SHF: variants seen among roughly 807,000 people sequenced by gnomAD.
The protein encoded by SHF is Src homology 2 domain containing F, also known as SH2 domain-containing adapter protein F.
A neutral mutation model predicts 42.4 loss-of-function variants in SHF; 30 were observed. That is an observed-to-expected ratio of 0.71 (90% CI 0.53 to 0.96). The LOEUF (loss-of-function observed/expected upper bound fraction) is 0.96. Ranked by LOEUF, SHF falls within the 40% of genes least tolerant of loss-of-function variation. The pLI, the probability that SHF is intolerant of heterozygous loss-of-function variation, is 0.00. For missense variants in SHF, 598 were observed against 634.0 expected, an observed-to-expected ratio of 0.94 and a Z score of 0.61; for synonymous variants, 264 against 269.9, an observed-to-expected ratio of 0.98 and a Z score of 0.21.
At chr15:45,183,819 G>A (rs1567037354) in intron 1 of SHF, among the ~76,000 whole-genome samples, 1 of 152,250 alleles carries the variant, frequency 6.6e-6, no homozygotes, top group Non-Finnish European at 1.5e-5. Context: ...ACTGGGTAGA[G>A]TGGACAGGCC....
chr15:45,181,889 G>A lies in SHF; in HGVS notation c.499-3583C>T, dbSNP rs557847024. Among the ~76,000 whole-genome samples the A allele has an allele frequency of 3.9e-5, 6 of 152,270 alleles. No individual in the cohort carries two copies. The South Asian group carries it at 1.2e-3, about 32-fold the overall frequency. ...AAAATAAAACCACGGCTGGTATTTA[G>A]GCACATTCTCTGATATAGCCAGAAT... On this transcript the variant is annotated intron_variant, in intron 1 of 6. Transcript: ENST00000690270.
intron 1 of SHF, among the ~76,000 whole-genome samples, chr15:45,185,055 A>G (rs1898317801): frequency 6.6e-6 from 1 of 152,158 alleles, no homozygotes; most frequent in Non-Finnish European, 1.5e-5. Flanking sequence ...TTTCTGCTCA[A>G]TCCCTCTGGC....
At position 45,167,701 on chromosome 15, in the gene SHF, ACC is replaced by A. The variant is rs1567025802; in HGVS notation, c.*244_*245del. 3 of 344,726 alleles carry A rather than the reference ACC, an allele frequency of 8.7e-6. No homozygotes were observed. The highest frequency in any genetic ancestry group is 1.6e-5 in the Non-Finnish European group (3 of 193,502). 21.4% of individuals were successfully genotyped at this position (344,726 alleles called of 1,614,324 possible). A position where few individuals can be genotyped will look rare whatever the true frequency, so the allele number is the denominator to read the frequency against. ...TCCCTACCATCCCAGTAGCTCTGGA[ACC>A]CCCTTCCTCCAGGGGCTATCCTTTC... On this transcript the variant is annotated 3_prime_UTR_variant, in exon 7 of 7. Transcript: ENST00000690270.
At chr15:45,199,189 C>T in intron 1 of SHF, 1 of 1,205,494 alleles carries the variant, frequency 8.3e-7, no homozygotes, top group Non-Finnish European at 1.1e-6. Context: ...CACCCACTTC[C>T]TTCCAGCCTC....
intron 1 of SHF, among the ~76,000 whole-genome samples, chr15:45,185,245 G>A (rs1898327942): frequency 6.6e-6 from 1 of 152,246 alleles, no homozygotes; most frequent in Admixed American, 6.5e-5. Flanking sequence ...CAAGCCAGAA[G>A]GCCTGAGAGA....
intron 1 of SHF, among the ~76,000 whole-genome samples, chr15:45,184,771 G>A (rs1262160396): frequency 6.6e-6 from 1 of 152,256 alleles, no homozygotes; most frequent in Non-Finnish European, 1.5e-5. Flanking sequence ...TGGCCTGGGG[G>A]CCAGACGAGG....
chr15:45,200,328 AT>A, intron 1 of SHF: 1 of 168,364 alleles, frequency 5.9e-6, no homozygotes, highest in Non-Finnish European at 1.3e-5. Context: ...ATCGGGGTCC[AT>A]TTTCCACAAT....
chr15:45,196,599 A>G (rs73425680), intron 2 of SHF, among the ~76,000 whole-genome samples: 4,490 of 151,976 alleles, frequency 0.03, 215 homozygotes, highest in African/African-American at 0.099. Context: ...CCTCCTTACT[A>G]TAGAGTTAAG....
chr15:45,187,618 C>A lies in SHF; in HGVS notation c.334G>T (p.Gly112Trp). ...ERDFEDPYSG[G>W]SSGSAALATP... Reference sequence around the variant, plus strand: ...GCGAGGGCGGCGGAGCCGGACGACCCCCCGGAGTAGGGGTCTTCGAAGTCG... The same window carrying A: ...GCGAGGGCGGCGGAGCCGGACGACCACCCGGAGTAGGGGTCTTCGAAGTCG... Residue 112 changes from glycine to tryptophan, a missense_variant, in exon 1 of 7, where the codon GGG (glycine) becomes TGG (tryptophan). Coordinates refer to ENST00000690270, the MANE Select transcript of SHF (RefSeq NM_001394037.1). The A allele has an allele frequency of 1.6e-6, 2 of 1,230,154 alleles. No homozygotes were observed. Among genetic ancestry groups the A allele is most frequent in the Non-Finnish European group, 2.0e-6 (2 of 986,986 alleles). 76.2% of individuals were successfully genotyped at this position (1,230,154 alleles called of 1,614,324 possible).
At chr15:45,179,758 G>C (rs915088596) in intron 1 of SHF, among the ~76,000 whole-genome samples, 4 of 152,196 alleles carry the variant, frequency 2.6e-5, no homozygotes, top group Non-Finnish European at 4.4e-5. Context: ...CTGCAGCATG[G>C]GGAGAGGCCA....
exon 1 of SHF, chr15:45,200,793 G>A (rs868104806): frequency 2.2e-5 from 10 of 456,124 alleles, no homozygotes; most frequent in African/African-American, 1.8e-4. Context: ...AAATTTAAGA[G>A]CTCCAGTCCC....
intron 2 of SHF, among the ~76,000 whole-genome samples, chr15:45,194,800 A>G (rs1021803802): frequency 1.3e-5 from 2 of 152,172 alleles, no homozygotes; most frequent in African/African-American, 2.4e-5. Context: ...TTAGTTGGGA[A>G]TGGTATTTTA....
chr15:45,188,925 G>T (rs1429777442), upstream of SHF, among the ~76,000 whole-genome samples: 1 of 152,188 alleles, frequency 6.6e-6, no homozygotes, highest in Non-Finnish European at 1.5e-5. Flanking sequence ...GGGCGCGGTG[G>T]CTCACGCCTG....
At chr15:45,198,630 G>A (rs1387505732) in intron 2 of SHF, 8 of 1,058,132 alleles carry the variant, frequency 7.6e-6, no homozygotes, top group South Asian at 4.3e-5. Flanking sequence ...TTCGAACCGA[G>A]GTTGCTGCGG....
chr15:45,188,610 T>C (rs1328526028), upstream of SHF, among the ~76,000 whole-genome samples: 1 of 152,096 alleles, frequency 6.6e-6, no homozygotes, highest in East Asian at 1.9e-4. Context: ...TCCCGTGTCG[T>C]TTTCACACAC....
At chr15:45,200,837 G>T (rs1055792266) in exon 1 of SHF, 10 of 456,180 alleles carry the variant, frequency 2.2e-5, no homozygotes, top group Admixed American at 7.0e-5. Flanking sequence ...GATAGTCAGG[G>T]CATGGTGAGC....
chr15:45,198,454 G>C (rs953335531), intron 2 of SHF: 6 of 314,526 alleles, frequency 1.9e-5, no homozygotes, highest in Admixed American at 4.6e-5. Context: ...CATTACATGA[G>C]AGTTACTGTA....
rs1897557032 is a variant in SHF at position 45,172,439 on chromosome 15, T to A, written c.989-121A>T. 3 of 1,137,296 alleles carry A rather than the reference T, an allele frequency of 2.6e-6. No individual in the cohort carries two copies. In the South Asian group the frequency reaches 5.0e-5, roughly 19 times the overall value. 70.5% of individuals were successfully genotyped at this position (1,137,296 alleles called of 1,614,324 possible). On this transcript the variant is annotated intron_variant, in intron 4 of 6. Transcript: ENST00000690270. ...CCCAGAAAGGATCAAAGGAATGCTCTAGGAGGGCAGCCCATGCTGAAGGGC... is the reference window on the plus strand; with the variant it reads ...CCCAGAAAGGATCAAAGGAATGCTCAAGGAGGGCAGCCCATGCTGAAGGGC...
Position 45,187,318 on chromosome 15 carries a change from C to G in SHF, c.498+136G>C, listed in dbSNP as rs946484924. ...ACAAAGGTGGGTGAAGGCTCGGAAC[C>G]CCGGGGTCAGGGGCTCGCGTCTGCC... On this transcript the variant is annotated intron_variant, in intron 1 of 6. Transcript: ENST00000690270. 196 of 862,634 alleles carry G rather than the reference C, an allele frequency of 2.3e-4. 3 individuals are homozygous for G. Among genetic ancestry groups the G allele is most frequent in the Non-Finnish European group, 4.6e-6 (3 of 651,450 alleles). The allele number at this position is 862,634 out of a possible 1,614,324, so 53.4% of individuals were successfully genotyped here. A position where few individuals can be genotyped will look rare whatever the true frequency, so the allele number is the denominator to read the frequency against.
Sources: gnomAD v4.1 joint callset for allele counts (sites outside exome capture counted in the v4.1 genomes callset) on GRCh38, gnomAD v4.1.1 for gene constraint, MANE v1.5 for transcripts, NCBI Gene and HGNC (gene_info 2026-07-23, HGNC 2026-07-21) for gene names.